RBM19: variants seen among roughly 807,000 people sequenced by gnomAD.
RBM19 encodes the protein RNA binding motif protein 19.
Under a neutral mutation model 116.8 loss-of-function variants are expected in RBM19, and 94 were observed. That is an observed-to-expected ratio of 0.80 (90% CI 0.68 to 0.95). The LOEUF is 0.95. Ranked by LOEUF, RBM19 falls within the 40% of genes least tolerant of loss-of-function variation. The pLI, the probability that RBM19 is intolerant of heterozygous loss-of-function variation, is 0.00. For missense variants in RBM19, 1,161 were observed against 1,220.7 expected, an observed-to-expected ratio of 0.95 and a Z score of 0.73; for synonymous variants, 475 against 494.1, an observed-to-expected ratio of 0.96 and a Z score of 0.51.
chr12:113,835,071 G>A (rs570273160), intron 23 of RBM19, among the ~76,000 whole-genome samples: 89 of 152,168 alleles, frequency 5.8e-4, no homozygotes, highest in Admixed American at 1.2e-3. Context: ...ATCTGGCTTC[G>A]ACCACACAGG....
At chr12:113,908,927 CAG>C (rs1031802662) in intron 21 of RBM19, among the ~76,000 whole-genome samples, 3 of 152,236 alleles carry the variant, frequency 2.0e-5, no homozygotes, top group Non-Finnish European at 4.4e-5. Context: ...GTGAGCCAGT[CAG>C]AGTGTCCCAG....
intron 21 of RBM19, among the ~76,000 whole-genome samples, chr12:113,859,929 C>T (rs1471352324): frequency 1.2e-4 from 19 of 152,176 alleles, no homozygotes; most frequent in Non-Finnish European, 8.8e-5. Context: ...CGTAAGCTCT[C>T]GTGAAATGAT....
intron 23 of RBM19, among the ~76,000 whole-genome samples, chr12:113,826,902 C>T (rs2135682391): frequency 6.6e-6 from 1 of 152,306 alleles, no homozygotes; most frequent in African/African-American, 2.4e-5. Context: ...CATCTCATTC[C>T]TTTACCTGCC....
chr12:113,962,145 G>A (rs983803783), intron 2 of RBM19, 87 bp downstream of exon 2: 1 of 1,465,660 alleles, frequency 6.8e-7, no homozygotes, highest in Non-Finnish European at 9.4e-7. Flanking sequence ...AGTGAAGAGG[G>A]ACGGTCTTTG....
chr12:113,818,517 C>A (rs2135667393), downstream of RBM19, among the ~76,000 whole-genome samples: 1 of 152,378 alleles, frequency 6.6e-6, no homozygotes, highest in East Asian at 1.9e-4. Context: ...GGCCTGACAT[C>A]TGCTGGGTGC....
In RBM19 at chr12:113,823,281, G is replaced by A; in HGVS notation, c.2826C>T (p.Ile942=). 1 of 1,613,218 alleles carries A rather than the reference G, an allele frequency of 6.2e-7. No homozygotes were observed. Among genetic ancestry groups the A allele is most frequent in the Middle Eastern group, 1.6e-4 (1 of 6,062 alleles). ...KKKRSVVLDE[I]LEQLEGSDSD... ...TGTCACTGCCTTCCAGCTGCTCCAG[G>A]ATCTCGTCCAACACCACAGACCGCT... Residue 942 remains isoleucine (I), a synonymous_variant, in exon 24 of 24, where the codon ATC becomes ATT. Coordinates refer to ENST00000261741, the MANE Select transcript of RBM19 (RefSeq NM_016196.4).
intron 21 of RBM19, among the ~76,000 whole-genome samples, chr12:113,904,199 C>A (rs186663967): frequency 6.6e-6 from 1 of 152,102 alleles, no homozygotes; most frequent in African/African-American, 2.4e-5. Flanking sequence ...CCAATAAGCA[C>A]GTGGTTATTT....
At chr12:113,847,874 C>T (rs1264193089) in intron 22 of RBM19, among the ~76,000 whole-genome samples, 2 of 152,182 alleles carry the variant, frequency 1.3e-5, no homozygotes, top group South Asian at 4.1e-4. Context: ...TTTGCGACAT[C>T]ACCTCTCACA....
chr12:113,959,146 G>C, intron 5 of RBM19, 66 bp downstream of exon 5: 1 of 1,542,722 alleles, frequency 6.5e-7, no homozygotes, highest in African/African-American at 1.4e-5. Context: ...GGGGCCCCCA[G>C]TGCCGGTTAG....
At chr12:113,864,247 T>C (rs1027351651) in intron 21 of RBM19, among the ~76,000 whole-genome samples, 1 of 152,058 alleles carries the variant, frequency 6.6e-6, no homozygotes, top group African/African-American at 2.4e-5. Flanking sequence ...TGATGCAGAG[T>C]GCAGGGAGGG....
chr12:113,919,674 G>C (rs1346957084), intron 19 of RBM19, among the ~76,000 whole-genome samples: 1 of 152,186 alleles, frequency 6.6e-6, no homozygotes, highest in Admixed American at 6.5e-5. Flanking sequence ...TCCTGCTAGA[G>C]AGTATCAATC....
At chr12:113,824,601 GCAGGCTGTGAGCTCCCT>G (rs1565956808) in intron 23 of RBM19, among the ~76,000 whole-genome samples, 5 of 151,566 alleles carry the variant, frequency 3.3e-5, no homozygotes, top group Non-Finnish European at 7.4e-5. Flanking sequence ...CCATTTATCC[GCAGGCTGTGAGCTCCCT>G]GGAGCTCACA....
chr12:113,887,363 G>C (rs865906322), intron 21 of RBM19, among the ~76,000 whole-genome samples: 4 of 152,182 alleles, frequency 2.6e-5, no homozygotes, highest in African/African-American at 4.8e-5. Flanking sequence ...CTGGCTGGGC[G>C]CAGTGGCTCA....
chr12:113,881,076 G>C (rs75606772), intron 21 of RBM19, among the ~76,000 whole-genome samples: 6,373 of 152,220 alleles, frequency 0.042, 343 homozygotes, highest in Admixed American at 0.15. Flanking sequence ...CACACGCAAG[G>C]CTTGCCTGAA....
At chr12:113,941,542 CATCT>C (rs1484943926) in intron 14 of RBM19, among the ~76,000 whole-genome samples, 1 of 152,196 alleles carries the variant, frequency 6.6e-6, no homozygotes, top group East Asian at 1.9e-4. Context: ...TTATTTTATC[CATCT>C]ATCTACCCAT....
At position 113,920,674 on chromosome 12, in the gene RBM19, C is replaced by T; in HGVS notation, c.2322G>A (p.Met774Ile). 6.2e-7 allele frequency: 1 copy of T among 1,614,064 alleles called. No homozygotes were observed. Among genetic ancestry groups the T allele is most frequent in the Non-Finnish European group, 8.5e-7 (1 of 1,179,938 alleles). The change falls in exon 19 of 24, where the codon ATG becomes ATA. Residue 774 changes from methionine to isoleucine, a missense_variant. Coordinates refer to ENST00000261741, the MANE Select transcript of RBM19 (RefSeq NM_016196.4). ...KKNKAGVLLS[M>I]GFGFVEYRKP... ...TCCTGTATTCCACAAATCCAAACCC[C>T]ATGGAAAGGAGCACTCCTGAGAGAG...
chr12:113,844,820 C>T (rs753720745), intron 22 of RBM19, 32 bp from the exon 23 acceptor site: 3 of 1,587,954 alleles, frequency 1.9e-6, no homozygotes, highest in Non-Finnish European at 8.6e-7. Context: ...AACTGCACAT[C>T]AGCTGGATCA....
chr12:113,887,645 A>AAG (rs1555235878), intron 21 of RBM19, among the ~76,000 whole-genome samples: 4 of 149,974 alleles, frequency 2.7e-5, no homozygotes, highest in South Asian at 2.1e-4. Context: ...AAAAAAAAAA[A>AAG]AAAAAAGAAA....
intron 23 of RBM19, among the ~76,000 whole-genome samples, chr12:113,831,143 G>C (rs560531493): frequency 6.2e-4 from 94 of 152,290 alleles, no homozygotes; most frequent in African/African-American, 2.2e-3. Flanking sequence ...TTGATTTTCA[G>C]GTCAAATCTT....
Sources: gnomAD v4.1 joint callset for allele counts (sites outside exome capture counted in the v4.1 genomes callset) on GRCh38, gnomAD v4.1.1 for gene constraint, MANE v1.5 for transcripts, NCBI Gene and HGNC (gene_info 2026-07-23, HGNC 2026-07-21) for gene names.